The following PRKN variants were observed in gnomAD, a reference collection of about 807,000 sequenced individuals.
PRKN encodes parkin RBR E3 ubiquitin protein ligase.
A neutral mutation model predicts 59.5 loss-of-function variants in PRKN; 56 were observed. That is an observed-to-expected ratio of 0.94 (90% CI 0.76 to 1.18). The LOEUF (loss-of-function observed/expected upper bound fraction) is 1.18, where lower values mean the gene tolerates loss of function less well. PRKN is among the 50% of genes most tolerant of loss of function. The pLI is 0.00. For synonymous variants in PRKN, 250 were observed against 222.1 expected (o/e 1.13, Z -1.12); for missense variants, 657 against 596.4 (o/e 1.10, Z -1.06).
chr6:162,046,403 A>G (rs892600245), intron 5 of PRKN, among the ~76,000 whole-genome samples: 7 of 152,240 alleles, frequency 4.6e-5, no homozygotes, highest in African/African-American at 1.7e-4. Context: ...TGTAAAAAAC[A>G]GCTGACATTC....
At chr6:161,881,005 A>C (rs781485455) in intron 6 of PRKN, among the ~76,000 whole-genome samples, 4 of 152,180 alleles carry the variant, frequency 2.6e-5, no homozygotes, top group Admixed American at 6.5e-5. Context: ...CTAAGCTTTC[A>C]TAGTTAAAGA....
chr6:161,654,917 G>C (rs1303200293), intron 7 of PRKN, among the ~76,000 whole-genome samples: 1 of 152,208 alleles, frequency 6.6e-6, no homozygotes, highest in Non-Finnish European at 1.5e-5. Context: ...GGAAGACAGG[G>C]TGGTGTGACT....
At chr6:161,739,486 G>A (rs148730458) in intron 7 of PRKN, among the ~76,000 whole-genome samples, 1 of 152,026 alleles carries the variant, frequency 6.6e-6, no homozygotes, top group African/African-American at 2.4e-5. Flanking sequence ...TTTAAAAAAC[G>A]TATTTGCAAT....
intron 2 of PRKN, among the ~76,000 whole-genome samples, chr6:162,289,270 CT>C (rs1314932278): frequency 3.3e-5 from 5 of 152,224 alleles, no homozygotes; most frequent in Middle Eastern, 6.8e-3. Context: ...GTCTGTCTCA[CT>C]TTTTTTCCCC....
chr6:162,375,412 T>A (rs1786007032), intron 2 of PRKN, among the ~76,000 whole-genome samples: 1 of 151,968 alleles, frequency 6.6e-6, no homozygotes, highest in Admixed American at 6.6e-5. Context: ...CCTGTTTTTT[T>A]TTTTTTCCAT....
chr6:162,568,294 T>C, intron 1 of PRKN: 2 of 266,422 alleles, frequency 7.5e-6, no homozygotes, highest in South Asian at 5.7e-5. Flanking sequence ...AAAAAGCTTC[T>C]GCACAGTGAC....
chr6:162,327,141 GTTTTCTTCC>G (rs1783326823), intron 2 of PRKN, among the ~76,000 whole-genome samples: 1 of 151,958 alleles, frequency 6.6e-6, no homozygotes. Flanking sequence ...ATATGCTTTC[GTTTTCTTCC>G]TTTTCTTCTC....
At chr6:161,416,182 G>A (rs1389782423) in intron 9 of PRKN, among the ~76,000 whole-genome samples, 1 of 152,090 alleles carries the variant, frequency 6.6e-6, no homozygotes, top group Non-Finnish European at 1.5e-5. Flanking sequence ...CACACCTTTT[G>A]GTTCGTGTAT....
At chr6:161,837,650 A>T (rs2128219964) in intron 6 of PRKN, among the ~76,000 whole-genome samples, 1 of 152,074 alleles carries the variant, frequency 6.6e-6, no homozygotes, top group Non-Finnish European at 1.5e-5. Context: ...GCCAGCAGCG[A>T]ATGTTTATAT....
intron 8 of PRKN, among the ~76,000 whole-genome samples, chr6:161,557,773 T>C (rs895730364): frequency 2.0e-5 from 3 of 152,222 alleles, no homozygotes; most frequent in African/African-American, 7.2e-5. Context: ...AATGAGTCAA[T>C]GCTTGCCAGC....
intron 7 of PRKN, among the ~76,000 whole-genome samples, chr6:161,636,327 G>T (rs1344862144): frequency 9.9e-5 from 15 of 152,206 alleles, no homozygotes; most frequent in Non-Finnish European, 2.2e-4. Flanking sequence ...GGCTGGCAGG[G>T]GCCAGAGGGC....
At chr6:162,537,246 T>C (rs1300234551) in intron 1 of PRKN, among the ~76,000 whole-genome samples, 2 of 152,088 alleles carry the variant, frequency 1.3e-5, no homozygotes, top group African/African-American at 4.8e-5. Flanking sequence ...TTCTCTGTTT[T>C]CCCTTCCACC....
chr6:162,524,361 A>G (rs1398309398), intron 1 of PRKN, among the ~76,000 whole-genome samples: 1 of 152,128 alleles, frequency 6.6e-6, no homozygotes, highest in African/African-American at 2.4e-5. Flanking sequence ...CATTTGGAGG[A>G]GTCATTTTAT....
At chr6:162,004,594 C>T (rs888829923) in intron 5 of PRKN, among the ~76,000 whole-genome samples, 5 of 152,096 alleles carry the variant, frequency 3.3e-5, no homozygotes, top group African/African-American at 1.2e-4. Context: ...TCAACACCAG[C>T]GTAGGTAATA....
At chr6:161,669,141 C>A (rs1238786384) in intron 7 of PRKN, among the ~76,000 whole-genome samples, 1 of 152,176 alleles carries the variant, frequency 6.6e-6, no homozygotes, top group Non-Finnish European at 1.5e-5. Flanking sequence ...CAAAAAGACA[C>A]AATCCTTTAC....
intron 7 of PRKN, among the ~76,000 whole-genome samples, chr6:161,706,362 C>T (rs1786494010): frequency 6.6e-6 from 1 of 152,212 alleles, no homozygotes; most frequent in Non-Finnish European, 1.5e-5. Flanking sequence ...TGACTGGCCT[C>T]AGTGGGTCTT....
chr6:161,835,551 C>T (rs944630272), intron 6 of PRKN, among the ~76,000 whole-genome samples: 1 of 152,218 alleles, frequency 6.6e-6, no homozygotes, highest in African/African-American at 2.4e-5. Context: ...AGGCCCGAGA[C>T]ACTGGCAGCG....
chr6:162,096,960 G>A (rs550923248), intron 4 of PRKN, among the ~76,000 whole-genome samples: 10 of 140,310 alleles, frequency 7.1e-5, no homozygotes, highest in Non-Finnish European at 1.4e-4. Context: ...TCTGCCTCCC[G>A]GGTTCAAGCC....
At chr6:161,994,996 A>T (rs1781789399) in intron 5 of PRKN, among the ~76,000 whole-genome samples, 2 of 152,148 alleles carry the variant, frequency 1.3e-5, no homozygotes, top group Non-Finnish European at 2.9e-5. Context: ...AATCCTGGGC[A>T]AAAGAACAAA....
Sources: gnomAD v4.1 joint callset for allele counts (sites outside exome capture counted in the v4.1 genomes callset) on GRCh38, gnomAD v4.1.1 for gene constraint, MANE v1.5 for transcripts, NCBI Gene and HGNC (gene_info 2026-07-23, HGNC 2026-07-21) for gene names.